The following COX6B1 variants were observed in gnomAD, a reference collection of about 807,000 sequenced individuals.
The protein encoded by COX6B1 is cytochrome c oxidase subunit 6B1.
Under a neutral mutation model 14.0 loss-of-function variants are expected in COX6B1, and 2 were observed. That is an observed-to-expected ratio of 0.14 (90% CI 0.06 to 0.45). COX6B1 has a LOEUF of 0.45. COX6B1 is among the 20% of genes least tolerant of loss of function. COX6B1 has a pLI of 0.98. For synonymous variants in COX6B1, 30 were observed against 39.7 expected, an observed-to-expected ratio of 0.76 and a Z score of 0.92; for missense variants, 81 against 114.2, an observed-to-expected ratio of 0.71 and a Z score of 1.33.
At chr19:35,652,509 G>A (rs1357840808) in intron 2 of COX6B1, among the ~76,000 whole-genome samples, 1 of 151,556 alleles carries the variant, frequency 6.6e-6, no homozygotes, top group Non-Finnish European at 1.5e-5. Flanking sequence ...TCGGCTCACT[G>A]CAACCTCTTC....
At chr19:35,648,960 C>T in intron 1 of COX6B1, 1 of 532,746 alleles carries the variant, frequency 1.9e-6, no homozygotes, top group Non-Finnish European at 3.9e-6. Context: ...GTTTTACACC[C>T]CACTTCCCCA....
At chr19:35,653,864 A>G (rs567427355) in intron 2 of COX6B1, among the ~76,000 whole-genome samples, 1 of 151,962 alleles carries the variant, frequency 6.6e-6, no homozygotes, top group East Asian at 1.9e-4. Context: ...CACTAGGTCC[A>G]GCCACTTTTT....
At chr19:35,653,649 C>T (rs187025777) in intron 2 of COX6B1, among the ~76,000 whole-genome samples, 1,928 of 148,638 alleles carry the variant, frequency 0.013, 17 homozygotes, top group Middle Eastern at 0.053. Flanking sequence ...GGCGTGATCT[C>T]GGCTCCCTGC....
chr19:35,658,705 G>A lies in COX6B1; in HGVS notation c.*58G>A, dbSNP rs986602536. ...TCCTTCTCCCAGGATGGTGAAGGGG[G>A]ACCTGGTACCCAGTGATCCCCACCC... On this transcript the variant is annotated 3_prime_UTR_variant, in exon 4 of 4. Coordinates refer to ENST00000649813, the MANE Select transcript of COX6B1 (RefSeq NM_001863.5). 1 of 1,490,950 alleles carries A rather than the reference G, an allele frequency of 6.7e-7. No individual in the cohort carries two copies. The highest frequency in any genetic ancestry group is 9.4e-7 in the Non-Finnish European group (1 of 1,068,274). 92.4% of individuals were successfully genotyped at this position (1,490,950 alleles called of 1,614,324 possible).
intron 2 of COX6B1, 39 bp from the exon 3 acceptor site, chr19:35,654,532 A>G: frequency 6.3e-7 from 1 of 1,586,396 alleles, no homozygotes; most frequent in Non-Finnish European, 8.7e-7. Flanking sequence ...ATGTGTTCCA[A>G]CTCTTGATCT....
chr19:35,657,787 G>T (rs190878102), intron 3 of COX6B1, among the ~76,000 whole-genome samples: 1 of 151,314 alleles, frequency 6.6e-6, no homozygotes, highest in East Asian at 1.9e-4. Flanking sequence ...CTCCCTAGTA[G>T]CTGTGACTAC....
chr19:35,653,088 CTG>C (rs1967847528), intron 2 of COX6B1, among the ~76,000 whole-genome samples: 1 of 151,514 alleles, frequency 6.6e-6, no homozygotes, highest in African/African-American at 2.4e-5. Context: ...CTGCCTCAGC[CTG>C]CCGAGTAGCT....
chr19:35,655,286 C>T (rs1286751943), intron 3 of COX6B1, among the ~76,000 whole-genome samples: 2 of 152,156 alleles, frequency 1.3e-5, no homozygotes, highest in Non-Finnish European at 2.9e-5. Flanking sequence ...CCTCGGCCTC[C>T]CAGAGTGCTG....
chr19:35,651,682 CT>C (rs1018128788), intron 2 of COX6B1, among the ~76,000 whole-genome samples: 6 of 151,954 alleles, frequency 3.9e-5, no homozygotes, highest in African/African-American at 1.5e-4. Flanking sequence ...AGAGGTCCCC[CT>C]ACCTCAGCCT....
Position 35,651,215 on chromosome 19 carries a change from C to T in COX6B1, c.-11-18C>T. The T allele has an allele frequency of 6.4e-7, 1 of 1,567,930 alleles. No individual in the cohort carries two copies. The highest frequency in any genetic ancestry group is 8.8e-7 in the Non-Finnish European group (1 of 1,138,494). On this transcript the variant is annotated intron_variant, in intron 1 of 3. Coordinates refer to ENST00000649813, the MANE Select transcript of COX6B1 (RefSeq NM_001863.5). ...GGCCCCTGGGGCCCCTGCTGACACC[C>T]ACTCCTTTCGCCTCCAGGATTCAGC... is the stretch of plus-strand genomic sequence containing the variant.
At chr19:35,651,390 C>G in intron 2 of COX6B1, 41 bp downstream of exon 2, 1 of 1,483,944 alleles carries the variant, frequency 6.7e-7, no homozygotes, top group African/African-American at 1.4e-5. Flanking sequence ...TCGAGTCACT[C>G]ACCGCTTGCC....
intron 3 of COX6B1, among the ~76,000 whole-genome samples, chr19:35,657,992 G>A (rs1298551893): frequency 1.3e-5 from 2 of 151,832 alleles, no homozygotes; most frequent in African/African-American, 2.4e-5. Flanking sequence ...GGGTCTTGCC[G>A]TGTTGTCCAG....
intron 1 of COX6B1, among the ~76,000 whole-genome samples, chr19:35,649,313 TC>T (rs1967798291): frequency 6.6e-6 from 1 of 151,862 alleles, no homozygotes; most frequent in Admixed American, 6.6e-5. Context: ...TCATAGACAT[TC>T]CTTTTTTTTG....
At chr19:35,650,210 G>T (rs948610355) in intron 1 of COX6B1, among the ~76,000 whole-genome samples, 2 of 150,710 alleles carry the variant, frequency 1.3e-5, no homozygotes, top group African/African-American at 4.9e-5. Context: ...CACCATGTTG[G>T]CCAGGCTGGT....
intron 2 of COX6B1, among the ~76,000 whole-genome samples, chr19:35,652,352 G>A (rs980408147): frequency 2.0e-5 from 3 of 151,686 alleles, no homozygotes; most frequent in African/African-American, 7.3e-5. Flanking sequence ...TTTATGTCCT[G>A]TCTGGAACAC....
chr19:35,655,508 A>G, intron 3 of COX6B1, among the ~76,000 whole-genome samples: 1 of 151,832 alleles, frequency 6.6e-6, no homozygotes. Flanking sequence ...ACCCCTGCCT[A>G]CTTCAGTGTG....
chr19:35,649,917 C>G (rs1967806119), intron 1 of COX6B1, among the ~76,000 whole-genome samples: 2 of 152,034 alleles, frequency 1.3e-5, no homozygotes, highest in African/African-American at 2.4e-5. Context: ...CCATTGTGCT[C>G]CACCCAAAAT....
chr19:35,651,157 TTCCATTGA>T, intron 1 of COX6B1, 68 bp from the exon 2 acceptor site: 2 of 875,968 alleles, frequency 2.3e-6, no homozygotes, highest in Non-Finnish European at 3.9e-6. Flanking sequence ...GCCTGCCCTC[TTCCATTGA>T]TCCTGGGTAG....
At chr19:35,656,479 C>CTTTTT (rs371195079) in intron 3 of COX6B1, among the ~76,000 whole-genome samples, 2 of 122,598 alleles carry the variant, frequency 1.6e-5, no homozygotes, top group Admixed American at 8.4e-5. Flanking sequence ...GTTGTTAGAC[C>CTTTTT]TTTTTTTTTT....
Sources: gnomAD v4.1 joint callset for allele counts (sites outside exome capture counted in the v4.1 genomes callset) on GRCh38, gnomAD v4.1.1 for gene constraint, MANE v1.5 for transcripts, NCBI Gene and HGNC (gene_info 2026-07-23, HGNC 2026-07-21) for gene names.